Variants in LARGE1 observed in about 807,000 individuals in gnomAD.
LARGE1 encodes LARGE xylosyl- and glucuronyltransferase 1.
Under a neutral mutation model 87.6 loss-of-function variants are expected in LARGE1, and 43 were observed. The observed-to-expected ratio is 0.49, with a 90% CI of 0.38 to 0.63. The LOEUF is 0.63. LARGE1 is among the 30% of genes least tolerant of loss of function. The probability of loss-of-function intolerance (pLI) is 0.00; values close to 1 mark genes in which losing one functional copy is unlikely to be tolerated. For synonymous variants in LARGE1, 434 were observed against 394.6 expected (o/e 1.10, Z -1.18); for missense variants, 802 against 1,000.2 (o/e 0.80, Z 2.67).
chr22:33,632,847 CT>C (rs1318317077), intron 3 of LARGE1, among the ~76,000 whole-genome samples: 3 of 152,206 alleles, frequency 2.0e-5, no homozygotes, highest in Non-Finnish European at 4.4e-5. Flanking sequence ...TTTATTTATA[CT>C]TTTTAAAAGC....
intron 10 of LARGE1, among the ~76,000 whole-genome samples, chr22:33,326,935 A>G (rs1365791071): frequency 6.6e-6 from 1 of 152,032 alleles, no homozygotes; most frequent in Non-Finnish European, 1.5e-5. Flanking sequence ...CTCTCTCTGG[A>G]GCTTAACACA....
intron 11 of LARGE1, among the ~76,000 whole-genome samples, chr22:33,306,095 C>G (rs1215837962): frequency 6.6e-6 from 1 of 152,150 alleles, no homozygotes; most frequent in Non-Finnish European, 1.5e-5. Flanking sequence ...CCGCCCACCT[C>G]GGCCTCCCAA....
At chr22:33,475,711 G>C (rs181772063) in intron 6 of LARGE1, among the ~76,000 whole-genome samples, 1 of 152,008 alleles carries the variant, frequency 6.6e-6, no homozygotes, top group South Asian at 2.1e-4. Flanking sequence ...GATCTGCCCC[G>C]CCTCAGCCTC....
chr22:33,648,359 C>T (rs1275973496), intron 3 of LARGE1, among the ~76,000 whole-genome samples: 1 of 152,090 alleles, frequency 6.6e-6, no homozygotes, highest in Non-Finnish European at 1.5e-5. Context: ...CCTTCTTTTC[C>T]CCTTTTCCTT....
At chr22:33,896,886 T>C (rs2065159394) in intron 1 of LARGE1, among the ~76,000 whole-genome samples, 1 of 152,218 alleles carries the variant, frequency 6.6e-6, no homozygotes, top group Non-Finnish European at 1.5e-5. Flanking sequence ...AAGTGTCAGA[T>C]GCAACCCAGC....
intron 11 of LARGE1, among the ~76,000 whole-genome samples, chr22:33,266,219 C>CTTTTTTT (rs983805203): frequency 1.0e-4 from 11 of 106,934 alleles, no homozygotes; most frequent in African/African-American, 3.0e-4. Context: ...ATTTTCAGGG[C>CTTTTTTT]TTTTTTTTTT....
intron 6 of LARGE1, among the ~76,000 whole-genome samples, chr22:33,538,972 A>G (rs2148623577): frequency 6.6e-6 from 1 of 152,366 alleles, no homozygotes; most frequent in Non-Finnish European, 1.5e-5. Context: ...GATCTGAGCA[A>G]GCATTTTAAA....
Position 33,485,271 on chromosome 22 carries a change from T to C in LARGE1, c.788-53006A>G, listed in dbSNP as rs373613760. 1.1e-3 allele frequency among the ~76,000 whole-genome samples: 164 copies of C among 150,890 alleles called. 1 individual carries two copies. Among genetic ancestry groups the C allele is most frequent in the Non-Finnish European group, 1.8e-3 (124 of 67,836 alleles). On this transcript the variant is annotated intron_variant, in intron 6 of 14. Transcript: ENST00000397394. Reference sequence around the variant, plus strand: ...CTCTGTCGCCCAGGCTGGAGTGCAGTGGCACGATCTGGGCTCACTGCAACC... The same window carrying C: ...CTCTGTCGCCCAGGCTGGAGTGCAGCGGCACGATCTGGGCTCACTGCAACC...
chr22:33,440,345 G>C (rs537529037), intron 6 of LARGE1, among the ~76,000 whole-genome samples: 9 of 152,310 alleles, frequency 5.9e-5, no homozygotes, highest in South Asian at 4.1e-4. Context: ...GGTGGCTCTA[G>C]CTGTGATCTG....
intron 6 of LARGE1, chr22:33,436,452 A>T (rs1466263668): frequency 6.5e-6 from 1 of 153,074 alleles, no homozygotes; most frequent in Non-Finnish European, 1.5e-5. Flanking sequence ...AACCCCTGAG[A>T]TTCTTGCTAA....
intron 11 of LARGE1, among the ~76,000 whole-genome samples, chr22:33,228,847 T>A (rs983542568): frequency 4.6e-5 from 7 of 150,958 alleles, no homozygotes; most frequent in African/African-American, 1.7e-4. Context: ...GGTGAGAGGG[T>A]GGAGAGATAG....
chr22:33,448,304 C>T (rs2067770635), intron 6 of LARGE1, among the ~76,000 whole-genome samples: 1 of 152,150 alleles, frequency 6.6e-6, no homozygotes, highest in Non-Finnish European at 1.5e-5. Context: ...GAAAGTAATA[C>T]TTGGAGGGAA....
At chr22:33,102,255 G>A in the LARGE1 span, among the ~76,000 whole-genome samples, 2 of 150,346 alleles carry the variant, frequency 1.3e-5, no homozygotes, top group Admixed American at 1.3e-4. Context: ...TGCAACCTCC[G>A]CCTCCTGGGT....
At chr22:33,902,762 T>C (rs1313945615) in intron 1 of LARGE1, among the ~76,000 whole-genome samples, 2 of 152,084 alleles carry the variant, frequency 1.3e-5, no homozygotes, top group African/African-American at 4.8e-5. Flanking sequence ...TTACATCCCC[T>C]CCCCCAACTT....
chr22:33,104,912 TTTC>T, the LARGE1 span, among the ~76,000 whole-genome samples: 2 of 67,088 alleles, frequency 3.0e-5, no homozygotes, highest in African/African-American at 8.4e-5. Flanking sequence ...TCTTTCTTTC[TTTC>T]TTTCTTTCTT....
intron 7 of LARGE1, among the ~76,000 whole-genome samples, chr22:33,397,058 A>T (rs186803670): frequency 5.9e-4 from 90 of 152,244 alleles, no homozygotes; most frequent in Admixed American, 1.6e-3. Flanking sequence ...ATATCACTAA[A>T]CCAGAATCCC....
chr22:33,848,343 G>C (rs570221587), intron 1 of LARGE1, among the ~76,000 whole-genome samples: 1 of 152,280 alleles, frequency 6.6e-6, no homozygotes, highest in African/African-American at 2.4e-5. Context: ...CGAGGTGGTG[G>C]ATAAGCGGTT....
At chr22:33,654,233 C>T (rs2080898272) in intron 2 of LARGE1, among the ~76,000 whole-genome samples, 1 of 152,214 alleles carries the variant, frequency 6.6e-6, no homozygotes, top group Non-Finnish European at 1.5e-5. Context: ...AACATTCATG[C>T]TGTGCCCAAC....
At chr22:33,874,122 T>C (rs1475804880) in intron 1 of LARGE1, among the ~76,000 whole-genome samples, 1 of 152,170 alleles carries the variant, frequency 6.6e-6, no homozygotes. Context: ...TTTTGCATCC[T>C]ACCTCTGTCC....
Sources: allele counts gnomAD v4.1 joint callset (sites outside exome capture counted in the v4.1 genomes callset), GRCh38; gene constraint gnomAD v4.1.1; transcripts MANE v1.5; gene names NCBI Gene and HGNC (gene_info 2026-07-23, HGNC 2026-07-21).